GNAQ: variants seen among roughly 807,000 people sequenced by gnomAD.
The protein encoded by GNAQ is G protein subunit alpha q.
In GNAQ, 8 loss-of-function variants were observed where a neutral mutation model predicts 43.9. The ratio of observed to expected loss-of-function variants is 0.18; its 90% CI spans 0.11 to 0.33. GNAQ has a LOEUF of 0.33. Ranked by LOEUF, GNAQ falls within the 10% of genes least tolerant of loss-of-function variation. GNAQ has a pLI of 1.00. For synonymous variants in GNAQ, 155 were observed against 170.7 expected (o/e 0.91, Z 0.71); for missense variants, 158 against 450.8 (o/e 0.35, Z 5.88).
intron 2 of GNAQ, among the ~76,000 whole-genome samples, chr9:77,855,473 T>G (rs917803955): frequency 2.6e-5 from 4 of 152,166 alleles, no homozygotes; most frequent in Non-Finnish European, 4.4e-5. Context: ...TACTTTGATT[T>G]TGCATGGTAT....
At chr9:77,742,643 A>C (rs1366043141) in intron 5 of GNAQ, among the ~76,000 whole-genome samples, 1 of 152,190 alleles carries the variant, frequency 6.6e-6, no homozygotes, top group Non-Finnish European at 1.5e-5. Flanking sequence ...AAGTTAAAAG[A>C]TCTCTTCCAG....
chr9:78,006,497 A>G (rs1173188509), intron 1 of GNAQ, among the ~76,000 whole-genome samples: 1 of 152,174 alleles, frequency 6.6e-6, no homozygotes, highest in Non-Finnish European at 1.5e-5. Context: ...TTCTCAGCAT[A>G]TCCCTAATTG....
At chr9:77,809,855 G>A (rs990683625) in intron 3 of GNAQ, among the ~76,000 whole-genome samples, 1 of 152,102 alleles carries the variant, frequency 6.6e-6, no homozygotes, top group Non-Finnish European at 1.5e-5. Flanking sequence ...CTGGATTTTG[G>A]GGGAGAGGGG....
At chr9:78,022,243 G>T (rs1823920167) in intron 1 of GNAQ, among the ~76,000 whole-genome samples, 1 of 152,164 alleles carries the variant, frequency 6.6e-6, no homozygotes, top group South Asian at 2.1e-4. Context: ...CTTCATCCAG[G>T]GGTGAGTTTG....
At chr9:77,817,329 G>A (rs1050009215) in intron 2 of GNAQ, among the ~76,000 whole-genome samples, 1 of 151,898 alleles carries the variant, frequency 6.6e-6, no homozygotes, top group Non-Finnish European at 1.5e-5. Context: ...GCTCAACACC[G>A]CATAATCAGG....
intron 2 of GNAQ, among the ~76,000 whole-genome samples, chr9:77,913,044 A>C (rs1488091424): frequency 6.6e-6 from 1 of 152,196 alleles, no homozygotes; most frequent in Non-Finnish European, 1.5e-5. Context: ...GCTGTTGTCA[A>C]GGATGTGGAG....
At chr9:77,727,126 CCAGGCAGGAGTATA>C (rs1312884322) in intron 6 of GNAQ, among the ~76,000 whole-genome samples, 3 of 150,378 alleles carry the variant, frequency 2.0e-5, no homozygotes, top group Non-Finnish European at 4.4e-5. Flanking sequence ...CTCCCATCAC[CCAGGCAGGAGTATA>C]GTGGCAGGAT....
chr9:78,031,277 G>T lies in GNAQ; in HGVS notation c.-42C>A, dbSNP rs758935176. 9 of 1,434,212 alleles carry T rather than the reference G, an allele frequency of 6.3e-6. No homozygotes were observed. Among genetic ancestry groups the T allele is most frequent in the East Asian group, 2.8e-5 (1 of 36,136 alleles). The allele number at this position is 1,434,212 out of a possible 1,614,324, so 88.8% of individuals were successfully genotyped here. On this transcript the variant is annotated 5_prime_UTR_variant, in exon 1 of 7. Transcript: ENST00000286548. ...CGCTGCAGCCCCGCCGGCACCCCCT[G>T]CTCACAGCGCGCACACACACCCTCC...
chr9:77,866,552 T>C (rs1587374184), intron 2 of GNAQ, among the ~76,000 whole-genome samples: 1 of 152,204 alleles, frequency 6.6e-6, no homozygotes. Context: ...GCTGAGTAAA[T>C]TACCAAATTA....
chr9:77,799,746 A>T (rs184152989), intron 3 of GNAQ, among the ~76,000 whole-genome samples: 198 of 152,352 alleles, frequency 1.3e-3, no homozygotes, highest in African/African-American at 4.5e-3. Flanking sequence ...AAGACAAAAA[A>T]AGTATCAGCC....
chr9:77,836,154 TAAATTAGGCCTGC>T (rs1275521317), intron 2 of GNAQ, among the ~76,000 whole-genome samples: 1 of 152,094 alleles, frequency 6.6e-6, no homozygotes, highest in Non-Finnish European at 1.5e-5. Flanking sequence ...GCGGGTATAG[TAAATTAGGCCTGC>T]AAGCCTTCTC....
chr9:77,741,256 T>C (rs1258088910), intron 5 of GNAQ, among the ~76,000 whole-genome samples: 3 of 152,190 alleles, frequency 2.0e-5, no homozygotes, highest in Non-Finnish European at 4.4e-5. Context: ...AGAAGGAAGG[T>C]AAATAATTAT....
At chr9:77,925,159 TAC>T (rs1829052541) in intron 1 of GNAQ, among the ~76,000 whole-genome samples, 1 of 152,036 alleles carries the variant, frequency 6.6e-6, no homozygotes, top group African/African-American at 2.4e-5. Flanking sequence ...ACAAGTTACT[TAC>T]ACCTGGTCCA....
chr9:77,855,154 T>C (rs1299815717), intron 2 of GNAQ, among the ~76,000 whole-genome samples: 1 of 152,016 alleles, frequency 6.6e-6, no homozygotes, highest in East Asian at 1.9e-4. Flanking sequence ...GACATCATAG[T>C]GAATAAATTT....
chr9:77,865,883 T>G (rs1321832102), intron 2 of GNAQ, among the ~76,000 whole-genome samples: 1 of 152,234 alleles, frequency 6.6e-6, no homozygotes, highest in Non-Finnish European at 1.5e-5. Context: ...TCACTAAAGC[T>G]TTCACTGAGT....
chr9:77,888,776 G>A (rs1294889647), intron 2 of GNAQ, among the ~76,000 whole-genome samples: 1 of 152,142 alleles, frequency 6.6e-6, no homozygotes, highest in Admixed American at 6.5e-5. Context: ...GTAAATCAGA[G>A]CAGCAGAATG....
At chr9:77,814,270 G>T (rs1826976568) in intron 3 of GNAQ, among the ~76,000 whole-genome samples, 1 of 152,108 alleles carries the variant, frequency 6.6e-6, no homozygotes, top group Admixed American at 6.5e-5. Flanking sequence ...AGGGACGAAG[G>T]ACAGAGGGAG....
At position 77,794,460 on chromosome 9, in the gene GNAQ, T is replaced by C; in HGVS notation, c.735+3A>G. On this transcript the variant is annotated splice_donor_region_variant and intron_variant, in intron 5 of 6. Coordinates refer to ENST00000286548, the MANE Select transcript of GNAQ (RefSeq NM_002072.5). The stretch of plus-strand genomic sequence containing the variant: ...ATCCATTGCCTGTCTAAAGAACACT[T>C]ACCTCATTGTCTGACTCCACGAGAA... 1.3e-6 allele frequency: 2 copies of C among 1,586,106 alleles called. No individual in the cohort carries two copies. Among genetic ancestry groups the C allele is most frequent in the Non-Finnish European group, 1.7e-6 (2 of 1,160,314 alleles).
chr9:77,974,792 T>C (rs1292076474), intron 1 of GNAQ, among the ~76,000 whole-genome samples: 1 of 152,230 alleles, frequency 6.6e-6, no homozygotes, highest in African/African-American at 2.4e-5. Flanking sequence ...GTTTAATTAA[T>C]ACAAACTGCA....
Sources: allele counts gnomAD v4.1 joint callset (sites outside exome capture counted in the v4.1 genomes callset), GRCh38; gene constraint gnomAD v4.1.1; transcripts MANE v1.5; gene names NCBI Gene and HGNC (gene_info 2026-07-23, HGNC 2026-07-21).